The following EFR3B variants were observed in gnomAD, a reference collection of about 807,000 sequenced individuals.
The protein encoded by EFR3B is EFR3 homolog B.
In EFR3B, 64 loss-of-function variants were observed where a neutral mutation model predicts 104.7. The ratio of observed to expected loss-of-function variants is 0.61; its 90% CI spans 0.50 to 0.75. The LOEUF (loss-of-function observed/expected upper bound fraction) is 0.75. Ranked by LOEUF, EFR3B falls within the 30% of genes least tolerant of loss-of-function variation. The pLI is 0.00. For synonymous variants in EFR3B, 385 were observed against 417.9 expected, an observed-to-expected ratio of 0.92 and a Z score of 0.96; for missense variants, 750 against 1,078.5, an observed-to-expected ratio of 0.70 and a Z score of 4.27.
chr2:25,130,211 TGTG>T lies in EFR3B; in HGVS notation c.770+106_770+108del. ...GCTGGGGGGAAGGGGATATTACAGTTGTGGTGCCGCAGCCGAGTCGATCCCTTC... is the reference window on the plus strand; with the variant it reads ...GCTGGGGGGAAGGGGATATTACAGTTGTGCCGCAGCCGAGTCGATCCCTTC... On this transcript the variant is annotated intron_variant, in intron 7 of 22. Transcript: ENST00000403714. This position sits in a 1 kb window ranked among gnomAD's most constrained non-coding sequence, Gnocchi z 4.6. 6.7e-7 allele frequency: 1 copy of T among 1,491,096 alleles called. No individual in the cohort carries two copies. Among genetic ancestry groups the T allele is most frequent in the Admixed American group, 2.1e-5 (1 of 48,710 alleles). 92.4% of individuals were successfully genotyped at this position (1,491,096 alleles called of 1,614,324 possible).
rs547927570 is a variant in EFR3B, at chr2:25,070,603, T to A, written c.8-20722T>A. 1.1e-4 allele frequency among the ~76,000 whole-genome samples: 17 copies of A among 152,258 alleles called. No homozygotes were observed. In the South Asian group the frequency reaches 3.3e-3, roughly 30 times the overall value. On this transcript the variant is annotated intron_variant, in intron 1 of 22. Transcript: ENST00000403714. ...TAAAATTCAAATCTGGAGGAGCTAG[T>A]GATGGCTGATAAGAAAATGAAGGAG...
chr2:25,059,199 G>A (rs1016034122), intron 1 of EFR3B, among the ~76,000 whole-genome samples: 2 of 149,582 alleles, frequency 1.3e-5, no homozygotes, highest in Non-Finnish European at 3.0e-5. Flanking sequence ...TGCAGCCTCC[G>A]CCTCCTGGGA....
At position 25,103,722 on chromosome 2, in the gene EFR3B, C is replaced by G. The variant is rs1289781753; in HGVS notation, c.298C>G (p.Leu100Val). The change falls in exon 4 of 23, where the codon CTC (leucine) becomes GTC (valine). Residue 100 changes from leucine to valine, a missense_variant. Physicochemically the swap from Leu to Val is conservative, Grantham distance 32 (BLOSUM62 1). Transcript: ENST00000403714. ...CATCAACCTCTTCGTGGAGAGCTTC[C>G]TCAAGATGGTGGCCAAGCTGCTGGA... is the stretch of plus-strand genomic sequence containing the variant. ...QSINLFVESF[L>V]KMVAKLLESE... 1 of 1,551,596 alleles carries G rather than the reference C, an allele frequency of 6.4e-7. No homozygotes were observed. The highest frequency in any genetic ancestry group is 1.4e-5 in the African/African-American group (1 of 73,028).
At chr2:25,086,412 C>G (rs1281105489) in intron 1 of EFR3B, among the ~76,000 whole-genome samples, 1 of 152,192 alleles carries the variant, frequency 6.6e-6, no homozygotes, top group African/African-American at 2.4e-5. Context: ...TGCTCCACAT[C>G]CCTGCCAGCA....
chr2:25,068,927 CAT>C (rs1558588645), intron 1 of EFR3B, among the ~76,000 whole-genome samples: 2 of 133,504 alleles, frequency 1.5e-5, no homozygotes, highest in Admixed American at 8.0e-5. Flanking sequence ...CCGCGCCCGG[CAT>C]CTTTTTTTTT....
intron 4 of EFR3B, among the ~76,000 whole-genome samples, chr2:25,115,482 C>T (rs953965852): frequency 6.6e-6 from 1 of 152,202 alleles, no homozygotes; most frequent in Non-Finnish European, 1.5e-5. Context: ...CTGCTAAACT[C>T]ACTAGTTTGC....
intron 1 of EFR3B, among the ~76,000 whole-genome samples, chr2:25,052,245 C>A (rs998369401): frequency 1.2e-4 from 19 of 152,136 alleles, no homozygotes; most frequent in South Asian, 6.2e-4. Flanking sequence ...GGGTTACAGG[C>A]ATGAGCCACT....
intron 3 of EFR3B, among the ~76,000 whole-genome samples, chr2:25,096,946 A>G (rs1277908909): frequency 2.0e-5 from 3 of 152,232 alleles, no homozygotes; most frequent in African/African-American, 7.2e-5. Flanking sequence ...CATCCTGAAT[A>G]AGAGCAAATC....
In EFR3B at chr2:25,131,951, G is replaced by C. The variant is rs571670302; in HGVS notation, c.1147+40G>C. On this transcript the variant is annotated intron_variant, in intron 10 of 22. Coordinates refer to ENST00000403714, the MANE Select transcript of EFR3B (RefSeq NM_014971.2). This position sits in a 1 kb window ranked among gnomAD's most constrained non-coding sequence, Gnocchi z 7.6. ...CGGGCCGGGGCGGGGCGGGGCCGAG[G>C]CGCGGAGTGGGGAGGGGAGGGGAGG... 21 of 1,386,746 alleles carry C rather than the reference G, an allele frequency of 1.5e-5. No homozygotes were observed. Among genetic ancestry groups the C allele is most frequent in the Middle Eastern group, 5.3e-4 (2 of 3,746 alleles). The allele number at this position is 1,386,746 out of a possible 1,614,324, so 85.9% of individuals were successfully genotyped here.
At chr2:25,106,884 C>G (rs1472728250) in intron 4 of EFR3B, among the ~76,000 whole-genome samples, 1 of 152,174 alleles carries the variant, frequency 6.6e-6, no homozygotes, top group East Asian at 1.9e-4. Context: ...ACGCCCGGTC[C>G]TTTCCATTGT....
chr2:25,060,000 C>T (rs1668143844), intron 1 of EFR3B, among the ~76,000 whole-genome samples: 1 of 151,446 alleles, frequency 6.6e-6, no homozygotes, highest in Non-Finnish European at 1.5e-5. Flanking sequence ...AATTCGAGAC[C>T]AGCCCGGCCA....
At chr2:25,116,656 A>G (rs1669868386) in intron 4 of EFR3B, among the ~76,000 whole-genome samples, 1 of 151,808 alleles carries the variant, frequency 6.6e-6, no homozygotes, top group Admixed American at 6.6e-5. Context: ...GAAGATTCGA[A>G]ACTAATATGT....
intron 17 of EFR3B, among the ~76,000 whole-genome samples, chr2:25,141,678 G>A (rs527575166): frequency 1.3e-5 from 2 of 152,362 alleles, no homozygotes; most frequent in South Asian, 2.1e-4. Flanking sequence ...GCCTCCGGGG[G>A]CTTTGGCCAA....
Position 25,099,952 on chromosome 2 carries a change from G to T in EFR3B, c.213-3685G>T, listed in dbSNP as rs575645311. 1.8e-4 allele frequency among the ~76,000 whole-genome samples: 27 copies of T among 151,810 alleles called. No individual in the cohort carries two copies. In the South Asian group the frequency reaches 5.4e-3, roughly 31 times the overall value. ...GTGCAGTGGCTCACACCTGTAACCC[G>T]AGCAATTTGGGAGGCCGAGGTGGGT... On this transcript the variant is annotated intron_variant, in intron 3 of 22. Transcript: ENST00000403714.
intron 12 of EFR3B, among the ~76,000 whole-genome samples, chr2:25,133,730 T>C (rs968408384): frequency 6.6e-5 from 10 of 152,198 alleles, no homozygotes; most frequent in Admixed American, 1.3e-4. Flanking sequence ...ACGGAATCTG[T>C]TGGTTCCCGC....
intron 1 of EFR3B, among the ~76,000 whole-genome samples, chr2:25,061,802 T>A (rs1268663756): frequency 6.6e-6 from 1 of 151,052 alleles, no homozygotes; most frequent in Non-Finnish European, 1.5e-5. Flanking sequence ...GGCCTACTTG[T>A]TAAAAAAAAA....
At position 25,137,376 on chromosome 2, in the gene EFR3B, C is replaced by T. The variant is rs540187194; in HGVS notation, c.1596C>T (p.Ser532=). 1.6e-5 allele frequency: 25 copies of T among 1,552,130 alleles called. No individual in the cohort carries two copies. In the South Asian group the frequency reaches 3.0e-4, roughly 18 times the overall value. The part of the protein sequence containing the change: ...SQQLYRHIYL[S]CKEETNVQKH... ...AGCTCTACAGACACATCTACCTGAGCTGCAAGGAGGAAACAAACGTGCAGA... is the reference window on the plus strand; with the variant it reads ...AGCTCTACAGACACATCTACCTGAGTTGCAAGGAGGAAACAAACGTGCAGA... Residue 532 remains serine, a synonymous_variant, in exon 15 of 23, where the codon AGC becomes AGT. Coordinates refer to ENST00000403714, the MANE Select transcript of EFR3B (RefSeq NM_014971.2). This position sits in a 1 kb window ranked among gnomAD's most constrained non-coding sequence, Gnocchi z 4.7.
intron 1 of EFR3B, among the ~76,000 whole-genome samples, chr2:25,090,819 G>A (rs1402117756): frequency 6.6e-6 from 1 of 152,202 alleles, no homozygotes; most frequent in African/African-American, 2.4e-5. Flanking sequence ...AAAGTTAGGG[G>A]CAAACGAGGT....
chr2:25,076,462 C>T (rs912008585), intron 1 of EFR3B, among the ~76,000 whole-genome samples: 1 of 151,928 alleles, frequency 6.6e-6, no homozygotes, highest in Non-Finnish European at 1.5e-5. Flanking sequence ...TCACCACAAC[C>T]CTATTAAGTA....
Sources: gnomAD v4.1 joint callset for allele counts (sites outside exome capture counted in the v4.1 genomes callset) on GRCh38, gnomAD v4.1.1 for gene constraint, Gnocchi (gnomAD v3.1) non-coding constraint, MANE v1.5 for transcripts, NCBI Gene and HGNC (gene_info 2026-07-23, HGNC 2026-07-21) for gene names.